Variants in KCND3 observed in about 807,000 individuals in gnomAD.
The protein encoded by KCND3 is A-type voltage-gated potassium channel KCND3.
Under a neutral mutation model 51.1 loss-of-function variants are expected in KCND3, and 9 were observed. The ratio of observed to expected loss-of-function variants is 0.18; its 90% CI spans 0.11 to 0.31. The LOEUF (loss-of-function observed/expected upper bound fraction) is 0.31, where lower values mean the gene tolerates loss of function less well. Among genes scored for constraint, KCND3 ranks in the 10% least tolerant of loss-of-function variants. The pLI is 1.00. For missense variants in KCND3, 526 were observed against 903.8 expected (o/e 0.58, Z 5.36); for synonymous variants, 349 against 368.0 (o/e 0.95, Z 0.59).
At chr1:111,804,050 G>A (rs1665449695) in intron 2 of KCND3, among the ~76,000 whole-genome samples, 1 of 152,138 alleles carries the variant, frequency 6.6e-6, no homozygotes, top group Non-Finnish European at 1.5e-5. Flanking sequence ...GGCATCAATG[G>A]CCACTAGACC....
intron 2 of KCND3, among the ~76,000 whole-genome samples, chr1:111,937,536 A>G (rs968875134): frequency 3.3e-5 from 5 of 152,224 alleles, no homozygotes; most frequent in South Asian, 2.1e-4. Context: ...TGCCCCCGAC[A>G]GGCCAGGGGA....
At chr1:111,894,956 G>A (rs1670025808) in intron 2 of KCND3, among the ~76,000 whole-genome samples, 1 of 151,726 alleles carries the variant, frequency 6.6e-6, no homozygotes, top group African/African-American at 2.4e-5. Flanking sequence ...GAAAGTAGAG[G>A]CAGGAGAAGA....
At chr1:111,794,595 A>C (rs1664978026) in intron 2 of KCND3, among the ~76,000 whole-genome samples, 1 of 152,174 alleles carries the variant, frequency 6.6e-6, no homozygotes, top group Non-Finnish European at 1.5e-5. Context: ...GGGGCACAGA[A>C]GCTGTCCTGT....
intron 2 of KCND3, among the ~76,000 whole-genome samples, chr1:111,799,753 C>G (rs1331631557): frequency 6.6e-6 from 1 of 152,234 alleles, no homozygotes; most frequent in Non-Finnish European, 1.5e-5. Context: ...GAAAAACACA[C>G]TGACATGGAT....
chr1:111,914,309 G>C (rs1202795023), intron 2 of KCND3, among the ~76,000 whole-genome samples: 1 of 149,480 alleles, frequency 6.7e-6, no homozygotes. Context: ...GTGACCTGTA[G>C]GAAAGTAACA....
intron 2 of KCND3, among the ~76,000 whole-genome samples, chr1:111,823,032 C>T (rs542443022): frequency 4.6e-5 from 7 of 152,358 alleles, no homozygotes; most frequent in African/African-American, 1.7e-4. Context: ...TGAACCCAGA[C>T]AGACGGCGGG....
At chr1:111,865,470 T>C (rs1342281714) in intron 2 of KCND3, among the ~76,000 whole-genome samples, 1 of 152,224 alleles carries the variant, frequency 6.6e-6, no homozygotes, top group Non-Finnish European at 1.5e-5. Flanking sequence ...CAGTGGATCT[T>C]GTCAGGGACA....
At chr1:111,843,569 T>A (rs1292447169) in intron 2 of KCND3, among the ~76,000 whole-genome samples, 1 of 152,126 alleles carries the variant, frequency 6.6e-6, no homozygotes, top group Non-Finnish European at 1.5e-5. Context: ...TGGGTGGACA[T>A]CTTGCTTTGT....
chr1:111,882,181 C>T (rs1026650785), intron 2 of KCND3, among the ~76,000 whole-genome samples: 1 of 152,138 alleles, frequency 6.6e-6, no homozygotes, highest in African/African-American at 2.4e-5. Context: ...GGTGTTTTCC[C>T]ATGCCCCAAC....
At position 111,776,280 on chromosome 1, in the gene KCND3, T is replaced by C. The variant is rs772493153; in HGVS notation, c.1767-2A>G. On this transcript the variant is annotated splice_acceptor_variant, in intron 7 of 7. Coordinates refer to ENST00000302127, the MANE Select transcript of KCND3 (RefSeq NM_001378969.1). LOFTEE classifies it high-confidence loss of function. ...GCTTTCAAATTAAGGCTGGAGCGAC[T>C]GGGATAGAAAAGAGTGAGTTGATGA... The C allele has an allele frequency of 6.2e-7, 1 of 1,613,498 alleles. No individual in the cohort carries two copies. The highest frequency in any genetic ancestry group is 8.5e-7 in the Non-Finnish European group (1 of 1,179,706).
At position 111,898,446 on chromosome 1, in the gene KCND3, A is replaced by AGGGGAGAATG. The variant is rs1463510807; in HGVS notation, c.1106+83174_1106+83175insCATTCTCCCC. Among the ~76,000 whole-genome samples, 3 of 152,210 alleles carry AGGGGAGAATG rather than the reference A, an allele frequency of 2.0e-5. No individual in the cohort carries two copies. The East Asian group carries it at 5.8e-4, about 29-fold the overall frequency. ...TCATTCTGATCATCGCTTGACATTG[A>AGGGGAGAATG]CTGCACCAGGTTACAATTGGTGGTG... On this transcript the variant is annotated intron_variant, in intron 2 of 7. Transcript: ENST00000302127.
intron 2 of KCND3, among the ~76,000 whole-genome samples, chr1:111,946,950 G>C (rs2101897961): frequency 6.6e-6 from 1 of 152,290 alleles, no homozygotes; most frequent in South Asian, 2.1e-4. Context: ...CTCTCTTTTG[G>C]TTCCTATTTG....
At chr1:111,846,638 C>T (rs914431857) in intron 2 of KCND3, among the ~76,000 whole-genome samples, 3 of 152,196 alleles carry the variant, frequency 2.0e-5, no homozygotes, top group Admixed American at 6.5e-5. Flanking sequence ...GAGGATTATA[C>T]GGGACAGTCT....
At chr1:111,894,639 C>T (rs891540663) in intron 2 of KCND3, among the ~76,000 whole-genome samples, 6 of 152,192 alleles carry the variant, frequency 3.9e-5, no homozygotes, top group African/African-American at 7.2e-5. Context: ...TAGCAGGCTG[C>T]GCTGCACCAC....
At chr1:111,879,939 G>C (rs72692577) in intron 2 of KCND3, among the ~76,000 whole-genome samples, 1 of 152,122 alleles carries the variant, frequency 6.6e-6, no homozygotes, top group Non-Finnish European at 1.5e-5. Flanking sequence ...GCTTGGGAGA[G>C]TTACTTAAGC....
At chr1:111,976,881 C>T (rs1228908609) in intron 2 of KCND3, among the ~76,000 whole-genome samples, 3 of 152,198 alleles carry the variant, frequency 2.0e-5, no homozygotes, top group Admixed American at 6.5e-5. Context: ...ATCATAGTGC[C>T]TGTGTATTCT....
chr1:111,901,991 A>G (rs1670405528), intron 2 of KCND3, among the ~76,000 whole-genome samples: 1 of 152,212 alleles, frequency 6.6e-6, no homozygotes, highest in Non-Finnish European at 1.5e-5. Flanking sequence ...GCAGCAACAA[A>G]GCTGAGTAAG....
chr1:111,788,729 C>A (rs766754872), intron 2 of KCND3, among the ~76,000 whole-genome samples: 8 of 152,172 alleles, frequency 5.3e-5, no homozygotes, highest in Non-Finnish European at 8.8e-5. Flanking sequence ...TGGTTGAGAA[C>A]ATGGATTCTG....
At chr1:111,815,706 T>C (rs375742045) in intron 2 of KCND3, among the ~76,000 whole-genome samples, 13 of 152,116 alleles carry the variant, frequency 8.5e-5, no homozygotes, top group African/African-American at 2.4e-4. Flanking sequence ...CAGTTCTATA[T>C]TGAAGTCTCT....
Sources: allele counts gnomAD v4.1 joint callset (sites outside exome capture counted in the v4.1 genomes callset), GRCh38; gene constraint gnomAD v4.1.1; transcripts MANE v1.5; gene names NCBI Gene and HGNC (gene_info 2026-07-23, HGNC 2026-07-21).